Variants in TSNARE1 observed in about 807,000 individuals in gnomAD.
TSNARE1 encodes the protein t-SNARE domain containing 1, also known as t-SNARE domain-containing protein 1.
In TSNARE1, 49 loss-of-function variants were observed where a neutral mutation model predicts 62.0. That is an observed-to-expected ratio of 0.79 (90% CI 0.63 to 1.00). TSNARE1 has a LOEUF of 1.00. Among genes scored for constraint, TSNARE1 ranks in the 50% least tolerant of loss-of-function variants. TSNARE1 has a pLI of 0.00. For synonymous variants in TSNARE1, 328 were observed against 294.4 expected (o/e 1.11, Z -1.17); for missense variants, 755 against 700.1 (o/e 1.08, Z -0.88).
intron 11 of TSNARE1, among the ~76,000 whole-genome samples, chr8:142,283,104 AGGCCACTGTCTGTCAATGAGCAGAGGCGG>A (rs1821938627): frequency 1.3e-5 from 1 of 78,372 alleles, no homozygotes. Flanking sequence ...AGCAGAGGGG[AGGCCACTGTCTGTCAATGAGCAGAGGCGG>A]GGCCAGTGTC....
At chr8:142,303,524 T>A (rs957859344) in intron 9 of TSNARE1, among the ~76,000 whole-genome samples, 1 of 152,194 alleles carries the variant, frequency 6.6e-6, no homozygotes, top group African/African-American at 2.4e-5. Context: ...CCGTCTCACA[T>A]GCTTTTCTTT....
intron 10 of TSNARE1, among the ~76,000 whole-genome samples, chr8:142,284,943 A>G (rs1272238304): frequency 6.6e-6 from 1 of 152,234 alleles, no homozygotes. Flanking sequence ...GTGCTCCTGC[A>G]CAGAAGGGTC....
rs1820207357 is a variant in TSNARE1, at chr8:142,274,960, C to T, written c.1364-97G>A. On this transcript the variant is annotated intron_variant, in intron 11 of 13. Transcript: ENST00000524325. ...AAGGCAAGCCCAGGGAGCCTGAGCC[C>T]AGGGCCTGCAGAGGAGCAGAGGCTG... 4 of 1,398,082 alleles carry T rather than the reference C, an allele frequency of 2.9e-6. No individual in the cohort carries two copies. The South Asian group carries it at 6.5e-5, about 23-fold the overall frequency. 86.6% of individuals were successfully genotyped at this position (1,398,082 alleles called of 1,614,324 possible).
intron 10 of TSNARE1, among the ~76,000 whole-genome samples, chr8:142,292,867 G>A (rs1005281308): frequency 1.1e-4 from 16 of 152,056 alleles, no homozygotes; most frequent in Non-Finnish European, 2.1e-4. Flanking sequence ...CAGGTGCCCC[G>A]CCAGTGTGGA....
chr8:142,250,952 G>A lies in TSNARE1; in HGVS notation c.1447-21373C>T, dbSNP rs555760989. Among the ~76,000 whole-genome samples the A allele has an allele frequency of 2.5e-3, 383 of 152,330 alleles. 2 individuals are homozygous for A. Among genetic ancestry groups the A allele is most frequent in the Non-Finnish European group, 3.9e-3 (262 of 68,022 alleles). ...AGGCCCGAGGCCTGACCCAGTAAAG[G>A]AAGGCCAAGGAAACCCCCGTAAGGG... On this transcript the variant is annotated intron_variant, in intron 12 of 13. Transcript: ENST00000524325.
At chr8:142,271,653 G>A in intron 12 of TSNARE1, 4 of 1,396,760 alleles carry the variant, frequency 2.9e-6, no homozygotes, top group Admixed American at 3.2e-5. Flanking sequence ...GACCTCAGGG[G>A]CAGCCACAAG....
rs1815568747 is a variant in TSNARE1 at position 142,212,255 on chromosome 8, AGG to A, written c.*68_*69del. On this transcript the variant is annotated 3_prime_UTR_variant, in exon 14 of 14. Transcript: ENST00000524325. Reference sequence around the variant, plus strand: ...CATCAGCTCCCAGCTCCGGGCCAGGAGGGGTGCTCGGGGCTGGAGAGCCCACA... The same window carrying A: ...CATCAGCTCCCAGCTCCGGGCCAGGAGGTGCTCGGGGCTGGAGAGCCCACA... The A allele has an allele frequency of 6.6e-6, 1 of 152,218 alleles. No homozygotes were observed. The highest frequency in any genetic ancestry group is 2.4e-5 in the African/African-American group (1 of 41,430). The allele number at this position is 152,218 out of a possible 1,614,324, so 9.4% of individuals were successfully genotyped here.
intron 5 of TSNARE1, 36 bp from the exon 6 acceptor site, chr8:142,331,006 G>T (rs767434367): frequency 1.9e-5 from 30 of 1,596,720 alleles, no homozygotes; most frequent in Non-Finnish European, 2.5e-5. Context: ...GAGGGCAGAA[G>T]GAGCTTCCCT....
At chr8:142,349,543 C>T (rs1417154025) in intron 2 of TSNARE1, among the ~76,000 whole-genome samples, 1 of 152,134 alleles carries the variant, frequency 6.6e-6, no homozygotes, top group Non-Finnish European at 1.5e-5. Context: ...TTAAAACTCG[C>T]ACGCACAGAA....
At chr8:142,392,550 T>C (rs935018556) in intron 1 of TSNARE1, among the ~76,000 whole-genome samples, 1 of 152,172 alleles carries the variant, frequency 6.6e-6, no homozygotes, top group Non-Finnish European at 1.5e-5. Context: ...GACGGGAATT[T>C]TTCGGCGCCA....
intron 12 of TSNARE1, among the ~76,000 whole-genome samples, chr8:142,244,545 T>C (rs942039205): frequency 2.0e-5 from 3 of 152,240 alleles, no homozygotes; most frequent in Non-Finnish European, 4.4e-5. Flanking sequence ...ACTGACCACA[T>C]TGATCCACAG....
intron 1 of TSNARE1, among the ~76,000 whole-genome samples, chr8:142,363,049 A>G (rs558660461): frequency 1.4e-4 from 22 of 152,272 alleles, no homozygotes; most frequent in African/African-American, 5.1e-4. Flanking sequence ...AGAAGCCCAC[A>G]GCCACCATGC....
At chr8:142,280,039 C>G in intron 11 of TSNARE1, 1 of 1,229,952 alleles carries the variant, frequency 8.1e-7, no homozygotes. Flanking sequence ...CAGGTCGCGG[C>G]GGCAGTAGCC....
intron 10 of TSNARE1, among the ~76,000 whole-genome samples, chr8:142,289,046 C>T (rs1474442745): frequency 6.6e-6 from 1 of 152,222 alleles, no homozygotes; most frequent in Non-Finnish European, 1.5e-5. Flanking sequence ...TCATTTTAGG[C>T]GCCCCTCTCT....
chr8:142,391,655 C>T (rs963414489), intron 1 of TSNARE1, among the ~76,000 whole-genome samples: 4 of 152,244 alleles, frequency 2.6e-5, no homozygotes, highest in Non-Finnish European at 5.9e-5. Flanking sequence ...CAGTGGAAGC[C>T]GTGTGCAGTA....
intron 11 of TSNARE1, chr8:142,277,483 G>A (rs993265988): frequency 1.6e-5 from 16 of 985,314 alleles, no homozygotes; most frequent in East Asian, 2.3e-4. Flanking sequence ...AGGCAGTGCC[G>A]CTGCAGAGCG....
chr8:142,212,444 C>T (rs372886750), intron 13 of TSNARE1, 131 bp from the exon 14 acceptor site: 35 of 152,290 alleles, frequency 2.3e-4, no homozygotes, highest in African/African-American at 7.7e-4. Flanking sequence ...GAGGTAGGGC[C>T]CTGAGAGGGG....
chr8:142,385,621 G>C (rs1037370693), intron 1 of TSNARE1, among the ~76,000 whole-genome samples: 1 of 152,058 alleles, frequency 6.6e-6, no homozygotes, highest in African/African-American at 2.4e-5. Flanking sequence ...GGAGTCAAAG[G>C]ATATCATTTA....
chr8:142,351,443 G>A (rs546616614), intron 2 of TSNARE1, among the ~76,000 whole-genome samples: 1 of 152,160 alleles, frequency 6.6e-6, no homozygotes, highest in Non-Finnish European at 1.5e-5. Flanking sequence ...TCTTTACAGA[G>A]AAAGTTAAAT....
Sources: allele counts gnomAD v4.1 joint callset (sites outside exome capture counted in the v4.1 genomes callset), GRCh38; gene constraint gnomAD v4.1.1; transcripts MANE v1.5; gene names NCBI Gene and HGNC (gene_info 2026-07-23, HGNC 2026-07-21).